The following TUSC3 variants were observed in gnomAD, a reference collection of about 807,000 sequenced individuals.
TUSC3 encodes the protein tumor suppressor candidate 3.
In TUSC3, 45 loss-of-function variants were observed where a neutral mutation model predicts 44.8. The observed-to-expected ratio is 1.00, with a 90% CI of 0.79 to 1.29. TUSC3 has a LOEUF of 1.29. TUSC3 is among the 50% of genes most tolerant of loss of function. The probability of loss-of-function intolerance (pLI) is 0.00; values close to 1 mark genes in which losing one functional copy is unlikely to be tolerated. For missense variants in TUSC3, 519 were observed against 437.9 expected (o/e 1.19, Z -1.65); for synonymous variants, 212 against 152.9 (o/e 1.39, Z -2.85).
intron 2 of TUSC3, among the ~76,000 whole-genome samples, chr8:15,492,352 G>C (rs542494635): frequency 1.3e-5 from 2 of 152,140 alleles, no homozygotes; most frequent in East Asian, 3.9e-4. Flanking sequence ...TAACCTCTTG[G>C]TATTAATATC....
chr8:15,480,423 A>G (rs1235397285), intron 1 of TUSC3, among the ~76,000 whole-genome samples: 4 of 152,194 alleles, frequency 2.6e-5, no homozygotes, highest in African/African-American at 4.8e-5. Flanking sequence ...AAAAAATACC[A>G]TAGATTTAGT....
intron 6 of TUSC3, among the ~76,000 whole-genome samples, chr8:15,726,972 A>G (rs181008986): frequency 2.1e-4 from 32 of 152,264 alleles, no homozygotes; most frequent in Admixed American, 1.2e-3. Context: ...CTGAAAATGC[A>G]TTGCCCTTAG....
At position 15,530,758 on chromosome 8, in the gene TUSC3, G is replaced by GTT. The variant is rs1801439110; in HGVS notation, n.189+47277_189+47278dup. ...ATATTAAGTGTGTATCTATTCTGAG[G>GTT]TTTGTAATAAGTTTTTTATATGTAT... On this transcript the variant is annotated intron_variant and non_coding_transcript_variant, in intron 2 of 5. Coordinates refer to the TUSC3 transcript ENST00000503191. Among the ~76,000 whole-genome samples the GTT allele has an allele frequency of 3.9e-5, 6 of 152,256 alleles. No individual in the cohort carries two copies. In the South Asian group the frequency reaches 1.0e-3, roughly 26 times the overall value.
At chr8:15,834,883 A>T in the TUSC3 span, among the ~76,000 whole-genome samples, 1 of 152,202 alleles carries the variant, frequency 6.6e-6, no homozygotes, top group Non-Finnish European at 1.5e-5. Flanking sequence ...ATGAGATGTT[A>T]AACTTGCATA....
chr8:15,669,635 A>C (rs1030949331), intron 5 of TUSC3, among the ~76,000 whole-genome samples: 1 of 151,886 alleles, frequency 6.6e-6, no homozygotes, highest in Admixed American at 6.6e-5. Context: ...TCTTTGATAC[A>C]TGCATATCAG....
At chr8:15,689,000 G>C (rs1585232185) in intron 6 of TUSC3, 1 of 255,760 alleles carries the variant, frequency 3.9e-6, no homozygotes, top group East Asian at 1.3e-4. Flanking sequence ...TGGGGTTACA[G>C]TCAAACAACC....
At chr8:15,583,119 A>G (rs560105050) in intron 1 of TUSC3, among the ~76,000 whole-genome samples, 54 of 152,352 alleles carry the variant, frequency 3.5e-4, no homozygotes, top group African/African-American at 1.2e-3. Flanking sequence ...CCCCATGGCA[A>G]TAAGAATAAA....
At chr8:15,768,456 T>G (rs1196772307), downstream of TUSC3, among the ~76,000 whole-genome samples, 3 of 152,066 alleles carry the variant, frequency 2.0e-5, no homozygotes, top group Non-Finnish European at 4.4e-5. Flanking sequence ...AGAAAGAAAT[T>G]AACAGAAACT....
intron 1 of TUSC3, among the ~76,000 whole-genome samples, chr8:15,422,074 C>T (rs979525010): frequency 2.6e-5 from 4 of 152,028 alleles, no homozygotes; most frequent in Non-Finnish European, 4.4e-5. Context: ...TTTTCTTTAC[C>T]CATCTTTCTG....
At chr8:15,446,544 G>T (rs1041360339) in intron 1 of TUSC3, among the ~76,000 whole-genome samples, 1 of 152,008 alleles carries the variant, frequency 6.6e-6, no homozygotes, top group East Asian at 1.9e-4. Context: ...CGGCCAACAC[G>T]GCGAAACCCC....
chr8:15,838,682 T>C, the TUSC3 span, among the ~76,000 whole-genome samples: 3 of 152,172 alleles, frequency 2.0e-5, no homozygotes, highest in Non-Finnish European at 4.4e-5. Flanking sequence ...TGTGGTATTA[T>C]TTCTGAGGGC....
the TUSC3 span, among the ~76,000 whole-genome samples, chr8:15,787,031 C>G: frequency 6.7e-6 from 1 of 148,454 alleles, no homozygotes; most frequent in South Asian, 2.2e-4. Flanking sequence ...GACTTTGGGT[C>G]TGTGGTTTGC....
At chr8:15,612,486 TGTA>T (rs1283234974) in intron 1 of TUSC3, among the ~76,000 whole-genome samples, 4 of 152,206 alleles carry the variant, frequency 2.6e-5, no homozygotes, top group African/African-American at 9.6e-5. Context: ...AATTGGTTAT[TGTA>T]GTAAAATGTG....
intron 1 of TUSC3, among the ~76,000 whole-genome samples, chr8:15,574,923 C>A (rs1182948896): frequency 6.6e-6 from 1 of 152,096 alleles, no homozygotes; most frequent in Non-Finnish European, 1.5e-5. Flanking sequence ...TGCTGTGAAA[C>A]TAACTATTCT....
At chr8:15,777,129 C>T in the TUSC3 span, among the ~76,000 whole-genome samples, 1 of 152,094 alleles carries the variant, frequency 6.6e-6, no homozygotes, top group Non-Finnish European at 1.5e-5. Flanking sequence ...TTTTCCTGGC[C>T]TCCTCTTAGA....
At chr8:15,757,060 C>G (rs761693383) in intron 9 of TUSC3, among the ~76,000 whole-genome samples, 2 of 152,112 alleles carry the variant, frequency 1.3e-5, no homozygotes, top group Non-Finnish European at 2.9e-5. Context: ...CACTCGAGCC[C>G]AGGAGTTTGA....
intron 1 of TUSC3, among the ~76,000 whole-genome samples, chr8:15,465,872 C>G (rs558781734): frequency 2.6e-5 from 4 of 152,266 alleles, no homozygotes; most frequent in African/African-American, 9.6e-5. Flanking sequence ...TCAAAGTCAA[C>G]AGGCATTTCC....
At chr8:15,705,642 G>T (rs917477769) in intron 6 of TUSC3, among the ~76,000 whole-genome samples, 5 of 151,976 alleles carry the variant, frequency 3.3e-5, no homozygotes, top group Non-Finnish European at 2.9e-5. Flanking sequence ...CCTTGAGCAT[G>T]GCCCTATGTG....
chr8:15,782,929 A>G, the TUSC3 span, among the ~76,000 whole-genome samples: 1 of 152,206 alleles, frequency 6.6e-6, no homozygotes, highest in East Asian at 1.9e-4. Flanking sequence ...GGAAGAGCGA[A>G]TTGTGTCTCT....
Sources: allele counts gnomAD v4.1 joint callset (sites outside exome capture counted in the v4.1 genomes callset), GRCh38; gene constraint gnomAD v4.1.1; transcripts MANE v1.5; gene names NCBI Gene and HGNC (gene_info 2026-07-23, HGNC 2026-07-21).